CNOT8: variants seen among roughly 807,000 people sequenced by gnomAD.
The protein encoded by CNOT8 is CCR4-NOT transcription complex subunit 8, also known as CAF1-like protein.
CNOT8 carries 18 observed loss-of-function variants against 34.6 expected under a neutral mutation model. The ratio of observed to expected loss-of-function variants is 0.52; its 90% CI spans 0.36 to 0.77. The LOEUF is 0.77. Ranked by LOEUF, CNOT8 falls within the 30% of genes least tolerant of loss-of-function variation. The pLI is 0.00. For missense variants in CNOT8, 189 were observed against 347.9 expected, an observed-to-expected ratio of 0.54 and a Z score of 3.63; for synonymous variants, 101 against 118.8, an observed-to-expected ratio of 0.85 and a Z score of 0.98.
Position 154,875,629 on chromosome 5 carries a change from G to C in CNOT8, c.*190G>C. 1 of 608,480 alleles carries C rather than the reference G, an allele frequency of 1.6e-6. No homozygotes were observed. Among genetic ancestry groups the C allele is most frequent in the Non-Finnish European group, 2.7e-6 (1 of 372,750 alleles). The allele number at this position is 608,480 out of a possible 1,614,324, so 37.7% of individuals were successfully genotyped here. On this transcript the variant is annotated 3_prime_UTR_variant, in exon 7 of 7. Transcript: ENST00000285896. ...TTTTAGACCCAGAAGAGAGGAGTTT[G>C]CTCTGAATTTGTAAATAAGTCTTCC...
intron 3 of CNOT8, 64 bp from the exon 4 acceptor site, chr5:154,870,597 A>G (rs758373245): frequency 1.8e-4 from 227 of 1,253,662 alleles, no homozygotes; most frequent in Non-Finnish European, 2.4e-4. Context: ...GGTGGTGGTA[A>G]TAGTGTGGCC....
At chr5:154,864,609 C>T (rs777082876) in intron 2 of CNOT8, among the ~76,000 whole-genome samples, 1 of 151,960 alleles carries the variant, frequency 6.6e-6, no homozygotes, top group African/African-American at 2.4e-5. Context: ...ATATATTGTT[C>T]TCTACCTAGA....
At position 154,876,580 on chromosome 5, in the gene CNOT8, T is replaced by C. The variant is rs1377891526; in HGVS notation, c.*1141T>C. 6.6e-6 allele frequency: 1 copy of C among 152,584 alleles called. No homozygotes were observed. The highest frequency in any genetic ancestry group is 1.9e-4 in the East Asian group (1 of 5,200). The allele number at this position is 152,584 out of a possible 1,614,324, so 9.5% of individuals were successfully genotyped here. A position where few individuals can be genotyped will look rare whatever the true frequency, so the allele number is the denominator to read the frequency against. ...TTTTGAATGACTACAGTATGGACAA[T>C]TTCAAAAACCAAAACCCACTTTGGA... On this transcript the variant is annotated 3_prime_UTR_variant, in exon 7 of 7. Coordinates refer to ENST00000285896, the MANE Select transcript of CNOT8 (RefSeq NM_001301073.2).
In CNOT8 at chr5:154,875,561, A is replaced by T. The variant is rs538549234; in HGVS notation, c.*122A>T. 10 of 1,053,998 alleles carry T rather than the reference A, an allele frequency of 9.5e-6. No individual in the cohort carries two copies. In the East Asian group the frequency reaches 2.7e-4, roughly 28 times the overall value. The allele number at this position is 1,053,998 out of a possible 1,614,324, so 65.3% of individuals were successfully genotyped here. On this transcript the variant is annotated 3_prime_UTR_variant, in exon 7 of 7. Coordinates refer to ENST00000285896, the MANE Select transcript of CNOT8 (RefSeq NM_001301073.2). ...CACACTGTACCTACCATCTGCATTG[A>T]GCAGAAAGACTTTTGTTTTACTGAA...
intron 3 of CNOT8, 36 bp from the exon 4 acceptor site, chr5:154,870,625 A>T: frequency 6.4e-7 from 1 of 1,565,718 alleles, no homozygotes; most frequent in Non-Finnish European, 8.7e-7. Flanking sequence ...CTGTTTCATT[A>T]TTCACCAGTT....
intron 3 of CNOT8, among the ~76,000 whole-genome samples, 181 bp downstream of exon 3, chr5:154,865,566 AAGAT>A (rs1173811950): frequency 6.6e-6 from 1 of 152,204 alleles, no homozygotes; most frequent in Non-Finnish European, 1.5e-5. Flanking sequence ...AAATGTGCAA[AAGAT>A]AGACTTTTCT....
At chr5:154,872,197 T>C (rs1762551176) in intron 5 of CNOT8, among the ~76,000 whole-genome samples, 1 of 152,230 alleles carries the variant, frequency 6.6e-6, no homozygotes, top group South Asian at 2.1e-4. Context: ...TTCTTAACTC[T>C]AGAAAGTTTT....
At chr5:154,869,668 A>G (rs1337301782) in intron 3 of CNOT8, among the ~76,000 whole-genome samples, 2 of 140,970 alleles carry the variant, frequency 1.4e-5, no homozygotes, top group African/African-American at 2.7e-5. Flanking sequence ...CTCTGTCATC[A>G]GGCTGGAGCG....
intron 1 of CNOT8, chr5:154,859,334 A>C (rs1014694574): frequency 6.6e-6 from 1 of 152,142 alleles, no homozygotes; most frequent in Non-Finnish European, 1.5e-5. Flanking sequence ...CCCCTTCTAA[A>C]TCGCCGCCTC....
At position 154,865,204 on chromosome 5, in the gene CNOT8, C is replaced by G; in HGVS notation, c.130C>G (p.Pro44Ala). 1 of 1,575,964 alleles carries G rather than the reference C, an allele frequency of 6.3e-7. No homozygotes were observed. Among genetic ancestry groups the G allele is most frequent in the Non-Finnish European group, 8.6e-7 (1 of 1,163,680 alleles). The part of the protein sequence containing the change: ...YSYIAMDTEF[P>A]GVVVRPIGEF... ...TTTCCTTTTCCAGGACACAGAATTT[C>G]CAGGTGTTGTGGTGCGACCAATTGG... The change falls in exon 3 of 7, where the codon CCA becomes GCA. Residue 44 changes from proline to alanine, a missense_variant. Physicochemically the swap from Pro to Ala is conservative, Grantham distance 27. This residue lies in a region of CNOT8 where 160 missense variants were observed against 321.9 expected (regional missense o/e 0.50). Coordinates refer to ENST00000285896, the MANE Select transcript of CNOT8 (RefSeq NM_001301073.2).
At chr5:154,870,905 C>A in intron 4 of CNOT8, 83 bp downstream of exon 4, 1 of 1,221,592 alleles carries the variant, frequency 8.2e-7, no homozygotes. Flanking sequence ...TTTTTGCAGT[C>A]CTAGTGACTG....
chr5:154,875,389 G>C lies in CNOT8; in HGVS notation c.829G>C (p.Ala277Pro). The C allele has an allele frequency of 6.2e-7, 1 of 1,614,058 alleles. No homozygotes were observed. Among genetic ancestry groups the C allele is most frequent in the Admixed American group, 1.7e-5 (1 of 60,010 alleles). The change falls in exon 7 of 7, where the codon GCC (alanine) becomes CCC (proline). Residue 277 changes from alanine (A) to proline (P), a missense_variant. Around this residue, in one of 2 missense-constraint regions of CNOT8, gnomAD observed 29 missense variants for 26.1 expected, o/e 1.11. Transcript: ENST00000285896. ...GAAGCAGAATGAGGATGTGGACTCT[G>C]CCCAGGAGAAGATGAGCATCCTGGC... Reference protein sequence around the residue: ...AQKQNEDVDSAQEKMSILAII... With the variant: ...AQKQNEDVDSPQEKMSILAII...
chr5:154,866,800 C>T (rs1761929916), intron 3 of CNOT8, among the ~76,000 whole-genome samples: 1 of 152,110 alleles, frequency 6.6e-6, no homozygotes, highest in Non-Finnish European at 1.5e-5. Context: ...GTAATCCCAG[C>T]TACTCAGGAG....
At chr5:154,871,252 T>A (rs903386898) in intron 4 of CNOT8, among the ~76,000 whole-genome samples, 3 of 151,948 alleles carry the variant, frequency 2.0e-5, no homozygotes, top group Admixed American at 1.3e-4. Context: ...GTCTGTTAGG[T>A]TGTTATTAGA....
At chr5:154,859,961 C>G (rs571469289) in intron 1 of CNOT8, 20 of 152,304 alleles carry the variant, frequency 1.3e-4, no homozygotes, top group Admixed American at 7.2e-4. Flanking sequence ...GCCCGTGAGG[C>G]AAACATTGTA....
chr5:154,871,033 T>C (rs562607914), intron 4 of CNOT8, among the ~76,000 whole-genome samples: 1 of 152,310 alleles, frequency 6.6e-6, no homozygotes, highest in East Asian at 1.9e-4. Context: ...GGCTCTATCA[T>C]GTGGCTATCA....
In CNOT8 at chr5:154,875,289, GTTGTTT is replaced by G; in HGVS notation, c.732_737del (p.Leu244_Phe245del). The G allele has an allele frequency of 6.2e-7, 1 of 1,614,014 alleles. No individual in the cohort carries two copies. Among genetic ancestry groups the G allele is most frequent in the Non-Finnish European group, 8.5e-7 (1 of 1,179,972 alleles). On this transcript the variant is annotated inframe_deletion and splice_region_variant, in exon 7 of 7. Transcript: ENST00000285896. Reference sequence around the variant, plus strand: ...CCATGGTTCTCTGTCCCATTCTGCAGTTGTTTTTTGAGGACAGCATTGATGATGCCA... The same window carrying G: ...CCATGGTTCTCTGTCCCATTCTGCAGTTTGAGGACAGCATTGATGATGCCA...
intron 3 of CNOT8, among the ~76,000 whole-genome samples, chr5:154,868,268 CTT>C (rs543872202): frequency 8.0e-4 from 83 of 103,908 alleles, no homozygotes; most frequent in African/African-American, 1.5e-3. Context: ...CTTTTCTTTT[CTT>C]TTTTTTTTTT....
intron 3 of CNOT8, among the ~76,000 whole-genome samples, chr5:154,865,729 G>C (rs1014442473): frequency 1.3e-5 from 2 of 152,192 alleles, no homozygotes; most frequent in African/African-American, 4.8e-5. Context: ...AAGTGTTGTT[G>C]AGGGTGTGGA....
Sources: gnomAD v4.1 joint callset for allele counts (sites outside exome capture counted in the v4.1 genomes callset) on GRCh38, gnomAD v4.1.1 for gene constraint, gnomAD v4.1.1 regional missense constraint, MANE v1.5 for transcripts, NCBI Gene and HGNC (gene_info 2026-07-23, HGNC 2026-07-21) for gene names.